HAO1: variants seen among roughly 807,000 people sequenced by gnomAD.
HAO1 encodes hydroxyacid oxidase 1, also known as 2-Hydroxyacid oxidase 1.
A neutral mutation model predicts 39.7 loss-of-function variants in HAO1; 34 were observed. The observed-to-expected ratio is 0.86, with a 90% CI of 0.65 to 1.14. The LOEUF (loss-of-function observed/expected upper bound fraction) is 1.14, where lower values mean the gene tolerates loss of function less well. Ranked by LOEUF, HAO1 falls within the 50% of genes most tolerant of loss-of-function variation. HAO1 has a pLI of 0.00. For synonymous variants in HAO1, 172 were observed against 173.2 expected (o/e 0.99, Z 0.05); for missense variants, 479 against 464.5 (o/e 1.03, Z -0.29).
At chr20:7,927,577 T>C (rs1317492362) in intron 2 of HAO1, among the ~76,000 whole-genome samples, 1 of 152,184 alleles carries the variant, frequency 6.6e-6, no homozygotes, top group Non-Finnish European at 1.5e-5. Context: ...CAGTTATTTT[T>C]TTCCACTTTA....
intron 1 of HAO1, among the ~76,000 whole-genome samples, chr20:7,937,228 C>G (rs1025120962): frequency 6.6e-6 from 1 of 152,082 alleles, no homozygotes; most frequent in East Asian, 1.9e-4. Context: ...AAGGAAGACA[C>G]CCATGCCTCA....
chr20:7,911,191 T>A (rs1360417683), intron 3 of HAO1, among the ~76,000 whole-genome samples: 2 of 152,198 alleles, frequency 1.3e-5, no homozygotes, highest in East Asian at 3.9e-4. Flanking sequence ...TTGAGTCTAC[T>A]TTAAAGCAGG....
chr20:7,927,827 C>G (rs1235849911), intron 2 of HAO1, among the ~76,000 whole-genome samples: 4 of 152,100 alleles, frequency 2.6e-5, no homozygotes, highest in Non-Finnish European at 5.9e-5. Flanking sequence ...TTTGGAAATA[C>G]CAGTAACAGA....
At chr20:7,934,450 C>T in intron 2 of HAO1, 34 bp downstream of exon 2, 1 of 1,572,224 alleles carries the variant, frequency 6.4e-7, no homozygotes, top group Non-Finnish European at 8.6e-7. Flanking sequence ...ACGTTAGCCT[C>T]CTTCTGTCCC....
At chr20:7,939,062 G>A (rs2050427506) in intron 1 of HAO1, among the ~76,000 whole-genome samples, 1 of 152,016 alleles carries the variant, frequency 6.6e-6, no homozygotes, top group Admixed American at 6.6e-5. Flanking sequence ...GGTGGACAAA[G>A]TTAATATCGG....
chr20:7,909,112 A>T (rs951041209), intron 3 of HAO1, among the ~76,000 whole-genome samples: 2 of 151,834 alleles, frequency 1.3e-5, no homozygotes, highest in African/African-American at 4.8e-5. Context: ...AAAAAACAGA[A>T]ACGTGGATAA....
chr20:7,911,488 C>T (rs1438341984), intron 3 of HAO1, among the ~76,000 whole-genome samples: 3 of 152,170 alleles, frequency 2.0e-5, no homozygotes, highest in African/African-American at 7.2e-5. Context: ...GTTCCTGCCC[C>T]AAAGCCTCAG....
chr20:7,903,593 G>A lies in HAO1; in HGVS notation c.721+2561C>T, dbSNP rs977148051. Among the ~76,000 whole-genome samples, 6 of 150,554 alleles carry A rather than the reference G, an allele frequency of 4.0e-5. 1 individual carries two copies. The highest frequency in any genetic ancestry group is 7.3e-5 in the African/African-American group (3 of 41,042). On this transcript the variant is annotated intron_variant, in intron 4 of 7. Transcript: ENST00000378789. ...TGTTGATGGTGGTTGTGGTTATGGCGCTGGTGGTGGTGGTGGTCATAGTGG... is the reference window on the plus strand; with the variant it reads ...TGTTGATGGTGGTTGTGGTTATGGCACTGGTGGTGGTGGTGGTCATAGTGG...
chr20:7,921,349 A>T (rs571470652), intron 2 of HAO1, among the ~76,000 whole-genome samples: 2 of 152,300 alleles, frequency 1.3e-5, no homozygotes, highest in East Asian at 3.9e-4. Flanking sequence ...AAATATATGA[A>T]AATGATGCTC....
At chr20:7,900,593 G>T (rs557862334) in intron 4 of HAO1, among the ~76,000 whole-genome samples, 1 of 152,146 alleles carries the variant, frequency 6.6e-6, no homozygotes, top group South Asian at 2.1e-4. Flanking sequence ...ATGAACCATC[G>T]CCTTTAAAAT....
rs770711939 is a variant in HAO1, at chr20:7,895,184, C to A, written c.762G>T (p.Gly254=). ...AREAVKHGLN[G]ILVSNHGARQ... is the part of the protein sequence containing the mutation. ...GAGCCCCATGATTCGACACCAAGATCCCATTCAAGCCATGTTTAACAGCCT... is the reference window on the plus strand; with the variant it reads ...GAGCCCCATGATTCGACACCAAGATACCATTCAAGCCATGTTTAACAGCCT... Residue 254 remains glycine (G), a synonymous_variant, in exon 5 of 8, where the codon GGG becomes GGT. Transcript: ENST00000378789. The A allele has an allele frequency of 2.5e-6, 4 of 1,612,686 alleles. No individual in the cohort carries two copies. Among genetic ancestry groups the A allele is most frequent in the Non-Finnish European group, 3.4e-6 (4 of 1,178,922 alleles).
chr20:7,932,126 C>T (rs2050388465), intron 2 of HAO1, among the ~76,000 whole-genome samples: 1 of 152,098 alleles, frequency 6.6e-6, no homozygotes, highest in African/African-American at 2.4e-5. Context: ...TCTGGCATTT[C>T]CCTGCTTGCA....
chr20:7,940,455 CGTT>C lies in HAO1; in HGVS notation c.-36_-34del. ...GGTTATTGCTATCCCAGATGGAGTTCGTTGTTTTTTTTTTTTTAATGTATTGCT... is the reference window on the plus strand; with the variant it reads ...GGTTATTGCTATCCCAGATGGAGTTCGTTTTTTTTTTTTTAATGTATTGCT... On this transcript the variant is annotated 5_prime_UTR_variant, in exon 1 of 8. Transcript: ENST00000378789. 2.0e-6 allele frequency: 3 copies of C among 1,532,176 alleles called. No individual in the cohort carries two copies. Among genetic ancestry groups the C allele is most frequent in the Non-Finnish European group, 2.6e-6 (3 of 1,144,564 alleles). The allele number at this position is 1,532,176 out of a possible 1,614,324, so 94.9% of individuals were successfully genotyped here. A position where few individuals can be genotyped will look rare whatever the true frequency, so the allele number is the denominator to read the frequency against.
intron 7 of HAO1, among the ~76,000 whole-genome samples, chr20:7,884,961 C>T (rs117535894): frequency 0.024 from 3,715 of 152,140 alleles, 62 homozygotes; most frequent in Non-Finnish European, 0.037. Context: ...CCAGCCAGGG[C>T]GGTGGCAGTG....
chr20:7,914,727 T>C (rs1334638391), intron 2 of HAO1, among the ~76,000 whole-genome samples: 1 of 152,208 alleles, frequency 6.6e-6, no homozygotes, highest in African/African-American at 2.4e-5. Flanking sequence ...AAGGTGTCTG[T>C]AAATACGGGC....
At chr20:7,888,153 G>C (rs1485381958) in intron 5 of HAO1, among the ~76,000 whole-genome samples, 1 of 152,154 alleles carries the variant, frequency 6.6e-6, no homozygotes, top group Non-Finnish European at 1.5e-5. Context: ...CCTGTATACT[G>C]TTGCTCATTC....
At chr20:7,922,922 G>A (rs931249868) in intron 2 of HAO1, among the ~76,000 whole-genome samples, 7 of 151,934 alleles carry the variant, frequency 4.6e-5, no homozygotes, top group Admixed American at 2.0e-4. Flanking sequence ...AATGGGCTAC[G>A]GCCAGTGGCA....
At chr20:7,928,219 C>G (rs1193571237) in intron 2 of HAO1, among the ~76,000 whole-genome samples, 1 of 152,180 alleles carries the variant, frequency 6.6e-6, no homozygotes, top group East Asian at 1.9e-4. Flanking sequence ...TGCTCACTGC[C>G]TCATCTAAAC....
At chr20:7,937,924 C>A (rs1378971536) in intron 1 of HAO1, among the ~76,000 whole-genome samples, 1 of 152,144 alleles carries the variant, frequency 6.6e-6, no homozygotes, top group Non-Finnish European at 1.5e-5. Flanking sequence ...TATCTCCAAG[C>A]AACTGCTGGG....
Sources: gnomAD v4.1 joint callset for allele counts (sites outside exome capture counted in the v4.1 genomes callset) on GRCh38, gnomAD v4.1.1 for gene constraint, MANE v1.5 for transcripts, NCBI Gene and HGNC (gene_info 2026-07-23, HGNC 2026-07-21) for gene names.